The following PHYHIPL variants were observed in gnomAD, a reference collection of about 807,000 sequenced individuals.
PHYHIPL encodes the protein phytanoyl-CoA 2-hydroxylase interacting protein like, also known as phytanoyl-CoA hydroxylase-interacting protein-like.
Under a neutral mutation model 33.4 loss-of-function variants are expected in PHYHIPL, and 9 were observed. The observed-to-expected ratio is 0.27, with a 90% CI of 0.16 to 0.47. PHYHIPL has a LOEUF of 0.47. PHYHIPL is among the 20% of genes least tolerant of loss of function. PHYHIPL has a pLI of 0.99. For synonymous variants in PHYHIPL, 153 were observed against 154.1 expected (o/e 0.99, Z 0.05); for missense variants, 365 against 460.7 (o/e 0.79, Z 1.90).
chr10:59,180,314 G>GTATATATATATATATA (rs35898292), intron 1 of PHYHIPL, among the ~76,000 whole-genome samples: 1 of 86,170 alleles, frequency 1.2e-5, no homozygotes, highest in Non-Finnish European at 2.3e-5. Context: ...TATAGAAAAA[G>GTATATATATATATATA]TATATATATA....
At chr10:59,209,345 G>T in intron 1 of PHYHIPL, among the ~76,000 whole-genome samples, 1 of 152,028 alleles carries the variant, frequency 6.6e-6, no homozygotes, top group South Asian at 2.1e-4. Flanking sequence ...ATAAGTGAAG[G>T]AGAAATAAAA....
At chr10:59,233,261 A>G (rs1383553843) in intron 1 of PHYHIPL, among the ~76,000 whole-genome samples, 2 of 151,922 alleles carry the variant, frequency 1.3e-5, no homozygotes, top group Non-Finnish European at 2.9e-5. Context: ...TGTATCAATG[A>G]CTGTCATGGA....
At chr10:59,207,338 C>T (rs1839313772) in intron 1 of PHYHIPL, among the ~76,000 whole-genome samples, 1 of 152,168 alleles carries the variant, frequency 6.6e-6, no homozygotes, top group Non-Finnish European at 1.5e-5. Flanking sequence ...AGGCAACTCC[C>T]TCCCCTAGCC....
chr10:59,182,859 AG>A (rs1003858727), intron 1 of PHYHIPL, among the ~76,000 whole-genome samples: 1 of 152,226 alleles, frequency 6.6e-6, no homozygotes, highest in African/African-American at 2.4e-5. Flanking sequence ...GAAAGTGATC[AG>A]GAGTAACTTC....
chr10:59,211,998 G>A (rs138077061), intron 1 of PHYHIPL, among the ~76,000 whole-genome samples: 2 of 152,204 alleles, frequency 1.3e-5, no homozygotes, highest in East Asian at 3.9e-4. Context: ...TAGGTCATGC[G>A]GGCTTTGCGC....
intron 1 of PHYHIPL, among the ~76,000 whole-genome samples, chr10:59,185,394 T>G (rs1838564554): frequency 1.3e-5 from 2 of 152,180 alleles, no homozygotes; most frequent in Non-Finnish European, 2.9e-5. Flanking sequence ...TTCCAAGTCT[T>G]TGCTATTGTG....
At chr10:59,212,847 G>A (rs1039908159) in intron 1 of PHYHIPL, among the ~76,000 whole-genome samples, 1 of 152,084 alleles carries the variant, frequency 6.6e-6, no homozygotes, top group African/African-American at 2.4e-5. Flanking sequence ...ACTAATGATA[G>A]TCACCCCAGT....
chr10:59,208,683 A>G (rs1014042190), intron 1 of PHYHIPL, among the ~76,000 whole-genome samples: 1 of 152,096 alleles, frequency 6.6e-6, no homozygotes, highest in East Asian at 1.9e-4. Context: ...CCTTGAAAAA[A>G]GGTTAGAGGA....
At chr10:59,178,287 C>A (rs879494168) in intron 1 of PHYHIPL, among the ~76,000 whole-genome samples, 3 of 151,914 alleles carry the variant, frequency 2.0e-5, no homozygotes, top group Non-Finnish European at 2.9e-5. Context: ...TAAATAAATA[C>A]GTTTGCAAAG....
chr10:59,209,304 C>T (rs527342115), intron 1 of PHYHIPL, among the ~76,000 whole-genome samples: 136 of 152,182 alleles, frequency 8.9e-4, no homozygotes, highest in African/African-American at 3.0e-3. Flanking sequence ...ATTTTCAATC[C>T]AGAATTTCAT....
chr10:59,186,575 A>G (rs895188920), intron 1 of PHYHIPL, among the ~76,000 whole-genome samples: 26 of 152,074 alleles, frequency 1.7e-4, no homozygotes, highest in African/African-American at 5.5e-4. Flanking sequence ...CATTTTCACG[A>G]TATTGATTCT....
chr10:59,183,514 A>G (rs1177395923), intron 1 of PHYHIPL: 1 of 229,038 alleles, frequency 4.4e-6, no homozygotes. Flanking sequence ...GTTAGGATGT[A>G]ACTTCAGTTT....
At chr10:59,219,182 G>A in intron 1 of PHYHIPL, 1 of 829,254 alleles carries the variant, frequency 1.2e-6, no homozygotes, top group Non-Finnish European at 1.5e-6. Context: ...ATCATATTTG[G>A]ATTGTCCTGC....
At chr10:59,182,193 A>G (rs1838430057) in intron 1 of PHYHIPL, among the ~76,000 whole-genome samples, 1 of 152,008 alleles carries the variant, frequency 6.6e-6, no homozygotes, top group African/African-American at 2.4e-5. Flanking sequence ...TGCATAATAT[A>G]AGTTTTGCCT....
intron 1 of PHYHIPL, 40 bp from the exon 2 acceptor site, chr10:59,234,264 T>C (rs180799500): frequency 3.4e-6 from 5 of 1,471,446 alleles, no homozygotes; most frequent in Non-Finnish European, 4.5e-6. Flanking sequence ...GGAAAATCCA[T>C]TAATTGGAAA....
intron 1 of PHYHIPL, among the ~76,000 whole-genome samples, chr10:59,185,167 T>C (rs1838547947): frequency 6.6e-6 from 1 of 151,608 alleles, no homozygotes; most frequent in South Asian, 2.1e-4. Context: ...ATTTTTTGTA[T>C]TTTTAGTAGA....
chr10:59,177,121 C>G (rs1278536199), intron 1 of PHYHIPL, 162 bp downstream of exon 1: 4 of 644,646 alleles, frequency 6.2e-6, no homozygotes, highest in Non-Finnish European at 1.0e-5. Context: ...ACCGCCCTCC[C>G]CTCACCCCAG....
At chr10:59,219,810 CAT>C (rs1438329937) in intron 1 of PHYHIPL, among the ~76,000 whole-genome samples, 2 of 152,070 alleles carry the variant, frequency 1.3e-5, no homozygotes, top group Non-Finnish European at 2.9e-5. Context: ...GGTTTAGAAT[CAT>C]GTAGTAATTT....
In PHYHIPL at chr10:59,245,131, A is replaced by T; in HGVS notation, c.671A>T (p.Lys224Ile). The change falls in exon 5 of 5, where the codon AAA (lysine) becomes ATA (isoleucine). Residue 224 changes from lysine (K) to isoleucine (I), a missense_variant. Physicochemically the swap from Lys to Ile is moderately radical, Grantham distance 102. Around this residue, in one of 4 missense-constraint regions of PHYHIPL, gnomAD observed 196 missense variants for 224.9 expected, o/e 0.87. Transcript: ENST00000373880. ...AGCCATGGCTCTCCTATCAGTGGAAAATTAGAAGGCATCTTCTTCAGCTGC... is the reference window on the plus strand; with the variant it reads ...AGCCATGGCTCTCCTATCAGTGGAATATTAGAAGGCATCTTCTTCAGCTGC... The part of the protein sequence containing the change: ...SGSHGSPISG[K>I]LEGIFFSCST... 1 of 1,614,106 alleles carries T rather than the reference A, an allele frequency of 6.2e-7. No individual in the cohort carries two copies. The highest frequency in any genetic ancestry group is 1.1e-5 in the South Asian group (1 of 91,076).
Sources: gnomAD v4.1 joint callset for allele counts (sites outside exome capture counted in the v4.1 genomes callset) on GRCh38, gnomAD v4.1.1 for gene constraint, gnomAD v4.1.1 regional missense constraint, MANE v1.5 for transcripts, NCBI Gene and HGNC (gene_info 2026-07-23, HGNC 2026-07-21) for gene names.